Variants in SORBS2 observed in about 807,000 individuals in gnomAD.
The protein encoded by SORBS2 is sorbin and SH3 domain-containing protein 2.
SORBS2 carries 46 observed loss-of-function variants against 97.7 expected under a neutral mutation model. The ratio of observed to expected loss-of-function variants is 0.47; its 90% CI spans 0.37 to 0.60. SORBS2 has a LOEUF of 0.60. Ranked by LOEUF, SORBS2 falls within the 20% of genes least tolerant of loss-of-function variation. The pLI is 0.00. For missense variants in SORBS2, 1,316 were observed against 1,282.3 expected, an observed-to-expected ratio of 1.03 and a Z score of -0.40; for synonymous variants, 476 against 473.4, an observed-to-expected ratio of 1.01 and a Z score of -0.07.
chr4:185,750,848 C>G (rs1013255889), intron 2 of SORBS2, among the ~76,000 whole-genome samples: 5 of 151,982 alleles, frequency 3.3e-5, no homozygotes, highest in African/African-American at 1.2e-4. Context: ...GCTTAGGAAC[C>G]CTTATTTCTT....
intron 4 of SORBS2, among the ~76,000 whole-genome samples, chr4:185,640,849 C>T (rs1454694570): frequency 6.6e-6 from 1 of 152,144 alleles, no homozygotes; most frequent in Non-Finnish European, 1.5e-5. Flanking sequence ...GAAAACTAAC[C>T]TCTGACTCTT....
At chr4:185,798,568 C>T (rs553654080) in intron 1 of SORBS2, among the ~76,000 whole-genome samples, 21 of 152,128 alleles carry the variant, frequency 1.4e-4, no homozygotes, top group African/African-American at 4.8e-4. Context: ...TAAAAAGCCT[C>T]GTTTTTAAAA....
chr4:185,720,872 T>A (rs1251884298), intron 2 of SORBS2, among the ~76,000 whole-genome samples: 1 of 152,054 alleles, frequency 6.6e-6, no homozygotes, highest in Non-Finnish European at 1.5e-5. Flanking sequence ...AAGCTTAGAT[T>A]CCAGCCACGG....
At chr4:185,624,016 G>A (rs1303727618) in exon 7 of SORBS2, 2 of 1,614,172 alleles carry the variant, frequency 1.2e-6, no homozygotes, top group Admixed American at 1.7e-5. Flanking sequence ...AGATCACCTC[G>A]GAGTTCATCA....
intron 1 of SORBS2, among the ~76,000 whole-genome samples, chr4:185,908,781 T>C (rs1039757894): frequency 2.6e-5 from 4 of 152,064 alleles, no homozygotes; most frequent in African/African-American, 9.7e-5. Flanking sequence ...GAGGCTCTGT[T>C]CTATCAAGAC....
At chr4:185,758,059 T>G (rs563873514) in intron 2 of SORBS2, among the ~76,000 whole-genome samples, 1 of 152,186 alleles carries the variant, frequency 6.6e-6, no homozygotes, top group African/African-American at 2.4e-5. Flanking sequence ...GAGGCTGCTG[T>G]TCAGAGCATT....
At chr4:185,730,261 C>T (rs531944834) in intron 2 of SORBS2, among the ~76,000 whole-genome samples, 11 of 150,670 alleles carry the variant, frequency 7.3e-5, no homozygotes, top group Admixed American at 3.3e-4. Context: ...AAGGTACAAA[C>T]CAGGAAAGTG....
intron 1 of SORBS2, among the ~76,000 whole-genome samples, chr4:185,934,000 A>G (rs1420659398): frequency 2.0e-5 from 3 of 152,212 alleles, no homozygotes. Context: ...GTTCTCAATC[A>G]AAAGTCTTTC....
intron 2 of SORBS2, among the ~76,000 whole-genome samples, chr4:185,692,784 A>G (rs2098119269): frequency 1.5e-5 from 2 of 136,826 alleles, no homozygotes; most frequent in South Asian, 5.1e-4. Flanking sequence ...TCGTTTTGCT[A>G]TATACACATG....
At chr4:185,836,585 A>G (rs116773397) in intron 1 of SORBS2, among the ~76,000 whole-genome samples, 1,606 of 151,552 alleles carry the variant, frequency 0.011, 20 homozygotes, top group African/African-American at 0.035. Flanking sequence ...TGAATTGGGC[A>G]TGAATTTTAT....
intron 1 of SORBS2, among the ~76,000 whole-genome samples, chr4:185,790,171 C>T (rs74615731): frequency 3.2e-3 from 491 of 151,710 alleles, no homozygotes; most frequent in African/African-American, 0.011. Flanking sequence ...TATGAGAAGA[C>T]AGTCATCTGC....
rs2096558858 is a variant in SORBS2 at position 185,612,615 on chromosome 4, AGTAGCT to A, written c.2596-641_2596-636del. 2.0e-5 allele frequency among the ~76,000 whole-genome samples: 3 copies of A among 151,698 alleles called. No individual in the cohort carries two copies. In the South Asian group the frequency reaches 6.3e-4, roughly 32 times the overall value. ...AGAATTCTCTTGCCTCAGCCTACCA[AGTAGCT>A]GGGATTACAGGCGCCCGCCACCAGG... On this transcript the variant is annotated intron_variant, in intron 11 of 14. Coordinates refer to ENST00000418609, the Ensembl canonical transcript of SORBS2.
intron 1 of SORBS2, among the ~76,000 whole-genome samples, chr4:185,803,374 G>GCA (rs1003007205): frequency 5.5e-4 from 84 of 152,306 alleles, no homozygotes; most frequent in African/African-American, 1.8e-3. Flanking sequence ...TTCAAAGGAA[G>GCA]CACAAGCTTA....
Position 185,684,871 on chromosome 4 carries a change from A to G in SORBS2, c.-197-6049T>C. 1 of 1,537,686 alleles carries G rather than the reference A, an allele frequency of 6.5e-7. No individual in the cohort carries two copies. On this transcript the variant is annotated intron_variant, in intron 2 of 20. Coordinates refer to the SORBS2 transcript ENST00000284776. This position sits in a 1 kb window ranked among gnomAD's most constrained non-coding sequence, Gnocchi z 4.2. ...TCTGGAAGCAAAAAAATGATATAGCAGAGGCCAAGGCAACGGGAAAAGCAC... is the reference window on the plus strand; with the variant it reads ...TCTGGAAGCAAAAAAATGATATAGCGGAGGCCAAGGCAACGGGAAAAGCAC...
intron 2 of SORBS2, among the ~76,000 whole-genome samples, chr4:185,693,111 G>T (rs902161516): frequency 6.6e-6 from 1 of 152,118 alleles, no homozygotes; most frequent in East Asian, 1.9e-4. Context: ...TTTCCACAGG[G>T]TTATGGGGAA....
Position 185,646,741 on chromosome 4 carries a change from T to G in SORBS2, c.323A>C (p.Lys108Thr), listed in dbSNP as rs760009363. 1.9e-6 allele frequency: 3 copies of G among 1,613,844 alleles called. No individual in the cohort carries two copies. In the South Asian group the frequency reaches 3.3e-5, roughly 18 times the overall value. The change falls in exon 4 of 15, where the codon AAA becomes ACA. Residue 108 changes from lysine to threonine, a missense_variant. Lys to Thr is a moderately conservative substitution (Grantham distance 78, BLOSUM62 -1). Transcript: ENST00000418609. ...AATACTCCTTGGCTCAGACCGAAAT[T>G]TTCTTGTGTCCACTTTTCTGTCTGG...
At chr4:185,738,502 T>G (rs979632989) in intron 2 of SORBS2, among the ~76,000 whole-genome samples, 2 of 152,216 alleles carry the variant, frequency 1.3e-5, no homozygotes, top group Non-Finnish European at 2.9e-5. Flanking sequence ...CTTTCTACTT[T>G]GCCAAGTATT....
chr4:185,939,943 T>C (rs541833468), intron 1 of SORBS2, among the ~76,000 whole-genome samples: 69 of 152,328 alleles, frequency 4.5e-4, no homozygotes, highest in Non-Finnish European at 8.8e-4. Flanking sequence ...CAGATGTCTG[T>C]CCAGAGTTCT....
chr4:185,795,374 C>T (rs1055329353), intron 1 of SORBS2, among the ~76,000 whole-genome samples: 1 of 152,164 alleles, frequency 6.6e-6, no homozygotes, highest in Non-Finnish European at 1.5e-5. Flanking sequence ...CTCTGCTGCA[C>T]CCTCCCTGCC....
Sources: gnomAD v4.1 joint callset for allele counts (sites outside exome capture counted in the v4.1 genomes callset) on GRCh38, gnomAD v4.1.1 for gene constraint, Gnocchi (gnomAD v3.1) non-coding constraint, MANE v1.5 for transcripts, NCBI Gene and HGNC (gene_info 2026-07-23, HGNC 2026-07-21) for gene names.